Variants in CLVS1 observed in about 807,000 individuals in gnomAD.
CLVS1 encodes the protein clavesin-1.
A neutral mutation model predicts 33.1 loss-of-function variants in CLVS1; 10 were observed. The ratio of observed to expected loss-of-function variants is 0.30; its 90% CI spans 0.19 to 0.51. The LOEUF is 0.51. Ranked by LOEUF, CLVS1 falls within the 20% of genes least tolerant of loss-of-function variation. The probability of loss-of-function intolerance (pLI) is 0.97; values close to 1 mark genes in which losing one functional copy is unlikely to be tolerated. For missense variants in CLVS1, 343 were observed against 433.4 expected, an observed-to-expected ratio of 0.79 and a Z score of 1.85; for synonymous variants, 163 against 166.1, an observed-to-expected ratio of 0.98 and a Z score of 0.14.
rs117730512 is a variant in CLVS1, at chr8:61,230,884, C to A, written c.-151-68793C>A. On this transcript the variant is annotated intron_variant, in intron 2 of 2. Coordinates refer to the CLVS1 transcript ENST00000522621. ...CCTGCTTACTGGTTCATAAATGTCA[C>A]CTTTTTGATGTGTGCTCACATAGTG... Among the ~76,000 whole-genome samples, 823 of 152,220 alleles carry A rather than the reference C, an allele frequency of 5.4e-3. 32 individuals carry two copies. In the East Asian group the frequency reaches 0.11, roughly 20 times the overall value.
At chr8:61,126,771 T>C (rs762971943) in intron 1 of CLVS1, among the ~76,000 whole-genome samples, 15 of 152,204 alleles carry the variant, frequency 9.9e-5, no homozygotes, top group Non-Finnish European at 1.9e-4. Flanking sequence ...CAGCTCAGCT[T>C]GTTTCTGTGT....
At chr8:61,463,381 T>C (rs971083502) in intron 5 of CLVS1, among the ~76,000 whole-genome samples, 1 of 152,216 alleles carries the variant, frequency 6.6e-6, no homozygotes, top group African/African-American at 2.4e-5. Flanking sequence ...CTCCTTTGCA[T>C]TCACAACTTG....
intron 3 of CLVS1, among the ~76,000 whole-genome samples, chr8:61,453,149 T>C (rs1003420883): frequency 6.6e-6 from 1 of 152,064 alleles, no homozygotes; most frequent in African/African-American, 2.4e-5. Context: ...GGCAATGAAA[T>C]TGATAGCAAA....
At chr8:61,352,399 G>GAAAA (rs1812505907) in intron 2 of CLVS1, among the ~76,000 whole-genome samples, 2 of 151,818 alleles carry the variant, frequency 1.3e-5, no homozygotes, top group South Asian at 4.1e-4. Context: ...GGAATAAATA[G>GAAAA]AAAAGAATTA....
intron 2 of CLVS1, among the ~76,000 whole-genome samples, chr8:61,232,023 G>GTTTGTTTGTTTGTTTGTTTGTT: frequency 3.2e-5 from 2 of 62,626 alleles, no homozygotes; most frequent in African/African-American, 9.5e-5. Flanking sequence ...GAAAGTTGTG[G>GTTTGTTTGTTTGTTTGTTTGTT]TTTTTTTTTT....
the CLVS1 span, among the ~76,000 whole-genome samples, chr8:60,984,776 A>G: frequency 6.6e-6 from 1 of 152,156 alleles, no homozygotes; most frequent in Admixed American, 6.5e-5. Flanking sequence ...GGTAGGTGCT[A>G]TTTTTATTTT....
chr8:61,232,834 C>T (rs1042305558), intron 2 of CLVS1, among the ~76,000 whole-genome samples: 1 of 152,184 alleles, frequency 6.6e-6, no homozygotes, highest in Non-Finnish European at 1.5e-5. Context: ...AACAGTATTA[C>T]TCATGCTTTA....
chr8:61,263,016 G>T (rs1245324342), intron 2 of CLVS1, among the ~76,000 whole-genome samples: 1 of 152,178 alleles, frequency 6.6e-6, no homozygotes, highest in African/African-American at 2.4e-5. Flanking sequence ...GCAGGAAGAT[G>T]AATGTAATTT....
At chr8:61,096,668 C>T (rs758042485) in intron 1 of CLVS1, among the ~76,000 whole-genome samples, 3 of 152,110 alleles carry the variant, frequency 2.0e-5, no homozygotes, top group Non-Finnish European at 2.9e-5. Context: ...GAACATGAGT[C>T]AATAATGCTT....
intron 5 of CLVS1, among the ~76,000 whole-genome samples, chr8:61,468,076 TA>T (rs1481382991): frequency 6.6e-6 from 1 of 151,484 alleles, no homozygotes; most frequent in South Asian, 2.1e-4. Flanking sequence ...AGATTTAATT[TA>T]AATTTTAATC....
At chr8:61,381,047 G>A (rs570002147) in intron 3 of CLVS1, among the ~76,000 whole-genome samples, 396 of 152,108 alleles carry the variant, frequency 2.6e-3, no homozygotes, top group Middle Eastern at 0.01. Flanking sequence ...GATCCAGAAA[G>A]CTATCTATTT....
intron 2 of CLVS1, among the ~76,000 whole-genome samples, chr8:61,366,795 T>A (rs377555901): frequency 1.3e-5 from 2 of 152,176 alleles, no homozygotes; most frequent in East Asian, 3.9e-4. Flanking sequence ...CAGGAAATAT[T>A]CTCTTCTGCA....
intron 2 of CLVS1, among the ~76,000 whole-genome samples, chr8:61,244,811 T>C (rs555565559): frequency 6.6e-6 from 1 of 152,316 alleles, no homozygotes; most frequent in South Asian, 2.1e-4. Flanking sequence ...TAAAAATTTA[T>C]TGATTTTAAT....
intron 3 of CLVS1, among the ~76,000 whole-genome samples, chr8:61,451,974 T>A (rs1218563223): frequency 6.6e-6 from 1 of 152,242 alleles, no homozygotes; most frequent in African/African-American, 2.4e-5. Flanking sequence ...TCTGTTTCTA[T>A]TCTGGTGCAA....
At chr8:61,493,286 T>C (rs1010858979) in intron 5 of CLVS1, among the ~76,000 whole-genome samples, 1 of 152,224 alleles carries the variant, frequency 6.6e-6, no homozygotes, top group Non-Finnish European at 1.5e-5. Context: ...AGTGGTGCCA[T>C]GGAAATTTTG....
intron 2 of CLVS1, among the ~76,000 whole-genome samples, chr8:61,137,153 G>A (rs1480393938): frequency 6.6e-6 from 1 of 152,098 alleles, no homozygotes; most frequent in African/African-American, 2.4e-5. Flanking sequence ...CATTTAATGG[G>A]GTGCATTTCA....
At chr8:60,989,612 G>A in the CLVS1 span, among the ~76,000 whole-genome samples, 26 of 152,204 alleles carry the variant, frequency 1.7e-4, no homozygotes, top group African/African-American at 5.8e-4. Context: ...GCCAGGGCAA[G>A]TAATGTGGGC....
intron 2 of CLVS1, among the ~76,000 whole-genome samples, chr8:61,352,130 GA>G (rs1348307095): frequency 6.6e-6 from 1 of 151,966 alleles, no homozygotes; most frequent in African/African-American, 2.4e-5. Flanking sequence ...TTAAAAGAGG[GA>G]AAAGTACAGG....
rs138622120 is a variant in CLVS1 at position 61,181,557 on chromosome 8, C to A, written c.-152+49697C>A. On this transcript the variant is annotated intron_variant, in intron 2 of 2. Transcript: ENST00000522621. ...TAAGCAAAAAGAAGAAAGTTGAAGG[C>A]ATCATGCTACCTGACTTCAAACTAT... 5.1e-3 allele frequency among the ~76,000 whole-genome samples: 780 copies of A among 152,246 alleles called. 6 individuals carry two copies. The highest frequency in any genetic ancestry group is 8.2e-3 in the Non-Finnish European group (555 of 68,018).
Sources: allele counts gnomAD v4.1 joint callset (sites outside exome capture counted in the v4.1 genomes callset), GRCh38; gene constraint gnomAD v4.1.1; transcripts MANE v1.5; gene names NCBI Gene and HGNC (gene_info 2026-07-23, HGNC 2026-07-21).